Variants in POPDC3 observed in about 807,000 individuals in gnomAD.
The protein encoded by POPDC3 is popeye domain-containing protein 3.
In POPDC3, 20 loss-of-function variants were observed where a neutral mutation model predicts 28.2. The ratio of observed to expected loss-of-function variants is 0.71; its 90% CI spans 0.50 to 1.03. The LOEUF is 1.03. Among genes scored for constraint, POPDC3 ranks in the 50% least tolerant of loss-of-function variants. The probability of loss-of-function intolerance (pLI) is 0.00; values close to 1 mark genes in which losing one functional copy is unlikely to be tolerated. For synonymous variants in POPDC3, 118 were observed against 124.1 expected (o/e 0.95, Z 0.33); for missense variants, 316 against 345.9 (o/e 0.91, Z 0.69).
intron 1 of POPDC3, among the ~76,000 whole-genome samples, chr6:105,164,406 ACTT>A (rs1774415959): frequency 6.6e-6 from 1 of 152,160 alleles, no homozygotes; most frequent in South Asian, 2.1e-4. Context: ...TTACTAATCT[ACTT>A]CGTTTCATTC....
chr6:105,158,561 A>G lies in POPDC3; in HGVS notation c.785T>C (p.Leu262Pro). Reference sequence around the variant, plus strand: ...AGTTGACATTTGATAGAAGTTGGGTAGCCGAATATCATAGTGATATCTTTT... The same window carrying G: ...AGTTGACATTTGATAGAAGTTGGGTGGCCGAATATCATAGTGATATCTTTT... ...IGKRYHYDIR[L>P]PNFYQMSTPE... is the part of the protein sequence containing the mutation. Residue 262 changes from leucine to proline, a missense_variant, in exon 4 of 4, where the codon CTA becomes CCA. Physicochemically the swap from Leu to Pro is moderately conservative, Grantham distance 98. Coordinates refer to ENST00000254765, the MANE Select transcript of POPDC3 (RefSeq NM_022361.5). 1 of 1,614,140 alleles carries G rather than the reference A, an allele frequency of 6.2e-7. No homozygotes were observed. The highest frequency in any genetic ancestry group is 1.1e-5 in the South Asian group (1 of 91,086).
At position 105,164,472 on chromosome 6, in the gene POPDC3, G is replaced by A. The variant is rs1774417676; in HGVS notation, c.-251-2312C>T. Reference sequence around the variant, plus strand: ...TTGATACTGTACTGCTCAATGCAGCGTGCTGACTTGCCCTGATTAAATTAC... The same window carrying A: ...TTGATACTGTACTGCTCAATGCAGCATGCTGACTTGCCCTGATTAAATTAC... On this transcript the variant is annotated intron_variant, in intron 1 of 3. Transcript: ENST00000254765. Among the ~76,000 whole-genome samples, 3 of 152,156 alleles carry A rather than the reference G, an allele frequency of 2.0e-5. No individual in the cohort carries two copies. The South Asian group carries it at 6.2e-4, about 32-fold the overall frequency.
At chr6:105,172,030 A>G (rs1213007) in intron 1 of POPDC3, among the ~76,000 whole-genome samples, 111,225 of 150,470 alleles carry the variant, frequency 0.74, 45,487 homozygotes, top group East Asian at 0.88. Flanking sequence ...AAATTGACAA[A>G]TGGGATCTAA....
chr6:105,165,109 G>A (rs986200546), intron 1 of POPDC3, among the ~76,000 whole-genome samples: 30 of 152,186 alleles, frequency 2.0e-4, no homozygotes, highest in African/African-American at 7.2e-4. Context: ...GGTAAAACAG[G>A]TGGTGGCATG....
intron 1 of POPDC3, chr6:105,179,296 T>A: frequency 1.0e-6 from 1 of 974,624 alleles, no homozygotes; most frequent in Non-Finnish European, 1.2e-6. Context: ...GTGAGAACAG[T>A]GTGAGAGCAC....
At position 105,174,164 on chromosome 6, in the gene POPDC3, C is replaced by T. The variant is rs149773129; in HGVS notation, c.-252+5669G>A. 7.2e-5 allele frequency among the ~76,000 whole-genome samples: 11 copies of T among 152,266 alleles called. No homozygotes were observed. In the East Asian group the frequency reaches 1.4e-3, roughly 19 times the overall value. On this transcript the variant is annotated intron_variant, in intron 1 of 3. Coordinates refer to ENST00000254765, the MANE Select transcript of POPDC3 (RefSeq NM_022361.5). Reference sequence around the variant, plus strand: ...TCAAGCGATTATCCTGCCTCACCCTCGAAAGTAACTGGGATTAAAGGCGCT... The same window carrying T: ...TCAAGCGATTATCCTGCCTCACCCTTGAAAGTAACTGGGATTAAAGGCGCT...
At chr6:105,176,410 A>G (rs983919841) in intron 1 of POPDC3, among the ~76,000 whole-genome samples, 1 of 152,244 alleles carries the variant, frequency 6.6e-6, no homozygotes, top group Non-Finnish European at 1.5e-5. Context: ...TACAAAAAAT[A>G]CACTGTTGAG....
At chr6:105,176,076 T>C (rs908543943) in intron 1 of POPDC3, among the ~76,000 whole-genome samples, 6 of 152,348 alleles carry the variant, frequency 3.9e-5, no homozygotes, top group African/African-American at 1.4e-4. Flanking sequence ...GTTCAGCAAT[T>C]CCTTCACTTT....
rs550285578 is a variant in POPDC3, at chr6:105,179,143, C to T, written c.-252+690G>A. The T allele has an allele frequency of 7.5e-5, 74 of 985,438 alleles. No individual in the cohort carries two copies. The South Asian group carries it at 3.2e-3, about 43-fold the overall frequency. The allele number at this position is 985,438 out of a possible 1,614,324, so 61.0% of individuals were successfully genotyped here. On this transcript the variant is annotated intron_variant, in intron 1 of 3. Transcript: ENST00000254765. Reference sequence around the variant, plus strand: ...TTCATCTTTGCCTAAAATACAGACCCTCAAAACTATACCACTGTAACCGAC... The same window carrying T: ...TTCATCTTTGCCTAAAATACAGACCTTCAAAACTATACCACTGTAACCGAC...
intron 1 of POPDC3, among the ~76,000 whole-genome samples, chr6:105,178,155 C>G (rs76047474): frequency 6.6e-6 from 1 of 152,342 alleles, no homozygotes; most frequent in East Asian, 1.9e-4. Flanking sequence ...CTGCAGTTTA[C>G]AGACTTTCAG....
In POPDC3 at chr6:105,161,583, T is replaced by C. The variant is rs767309523; in HGVS notation, c.327A>G (p.Gln109=). ...VRSITFAREF[Q]VLYSSLFQPL... ...GCTGGAAAAGGGAGCTGTACAACAC[T>C]TGGAATTCTCGGGCAAAGGTTATGC... The change falls in exon 2 of 4, where the codon CAA becomes CAG. Residue 109 remains glutamine (Q), a synonymous_variant. Transcript: ENST00000254765. 1 of 1,614,018 alleles carries C rather than the reference T, an allele frequency of 6.2e-7. No individual in the cohort carries two copies. The highest frequency in any genetic ancestry group is 1.3e-5 in the African/African-American group (1 of 74,982).
At chr6:105,164,601 G>A (rs553480747) in intron 1 of POPDC3, among the ~76,000 whole-genome samples, 1 of 152,348 alleles carries the variant, frequency 6.6e-6, no homozygotes, top group Admixed American at 6.5e-5. Flanking sequence ...GAGCAGGAGT[G>A]TCCTTCTGAC....
In POPDC3 at chr6:105,158,337, T is replaced by C. The variant is rs935150428; in HGVS notation, c.*133A>G. 5.5e-5 allele frequency: 38 copies of C among 694,760 alleles called. No homozygotes were observed. The highest frequency in any genetic ancestry group is 4.6e-6 in the Non-Finnish European group (2 of 435,298). The allele number at this position is 694,760 out of a possible 1,614,324, so 43.0% of individuals were successfully genotyped here. A position where few individuals can be genotyped will look rare whatever the true frequency, so the allele number is the denominator to read the frequency against. ...GCAGTTGTTGAAAGGAATAAAACAG[T>C]TGGCAATGGCATCTCGCTTCTGAAT... On this transcript the variant is annotated 3_prime_UTR_variant, in exon 4 of 4. Coordinates refer to ENST00000254765, the MANE Select transcript of POPDC3 (RefSeq NM_022361.5).
intron 1 of POPDC3, among the ~76,000 whole-genome samples, chr6:105,167,873 T>C (rs1178553338): frequency 2.6e-5 from 4 of 152,216 alleles, no homozygotes; most frequent in African/African-American, 9.6e-5. Context: ...CACTGGTTCT[T>C]ACTTTAAAAA....
At chr6:105,159,967 T>C (rs574053680) in intron 2 of POPDC3, 148 bp from the exon 3 acceptor site, 1 of 558,592 alleles carries the variant, frequency 1.8e-6, no homozygotes, top group South Asian at 2.2e-5. Context: ...AATTCATACA[T>C]TATAATAAGT....
Position 105,158,179 on chromosome 6 carries a change from A to G in POPDC3, c.*291T>C. On this transcript the variant is annotated 3_prime_UTR_variant, in exon 4 of 4. Coordinates refer to ENST00000254765, the MANE Select transcript of POPDC3 (RefSeq NM_022361.5). ...ACAATGCATTTGAGTAAATGTGAGA[A>G]AAGAATTGAGAAAGTGGAATTTCAT... 1 of 326,804 alleles carries G rather than the reference A, an allele frequency of 3.1e-6. No homozygotes were observed. The highest frequency in any genetic ancestry group is 5.6e-5 in the East Asian group (1 of 17,880). 20.2% of individuals were successfully genotyped at this position (326,804 alleles called of 1,614,324 possible).
chr6:105,164,124 G>A (rs1191518198), intron 1 of POPDC3, among the ~76,000 whole-genome samples: 1 of 152,166 alleles, frequency 6.6e-6, no homozygotes, highest in Non-Finnish European at 1.5e-5. Context: ...CAATTCTTCA[G>A]GATACCAAAC....
chr6:105,159,853 A>G, intron 2 of POPDC3, 34 bp from the exon 3 acceptor site: 1 of 1,407,096 alleles, frequency 7.1e-7, no homozygotes, highest in Non-Finnish European at 1.0e-6. Flanking sequence ...TTATAAGGGA[A>G]GGAGAAAGAG....
intron 1 of POPDC3, chr6:105,166,557 C>T (rs1774459194): frequency 6.4e-6 from 3 of 471,160 alleles, no homozygotes; most frequent in South Asian, 3.1e-5. Flanking sequence ...CAGAAAGGTA[C>T]ATTTCCTCTT....
Sources: gnomAD v4.1 joint callset for allele counts (sites outside exome capture counted in the v4.1 genomes callset) on GRCh38, gnomAD v4.1.1 for gene constraint, MANE v1.5 for transcripts, NCBI Gene and HGNC (gene_info 2026-07-23, HGNC 2026-07-21) for gene names.